The following MAGI2 variants were observed in gnomAD, a reference collection of about 807,000 sequenced individuals.
MAGI2 encodes membrane-associated guanylate kinase, WW and PDZ domain-containing protein 2.
In MAGI2, 35 loss-of-function variants were observed where a neutral mutation model predicts 133.3. That is an observed-to-expected ratio of 0.26 (90% CI 0.20 to 0.35). The LOEUF (loss-of-function observed/expected upper bound fraction) is 0.35. Among genes scored for constraint, MAGI2 ranks in the 10% least tolerant of loss-of-function variants. The pLI, the probability that MAGI2 is intolerant of heterozygous loss-of-function variation, is 1.00. For synonymous variants in MAGI2, 729 were observed against 710.6 expected, an observed-to-expected ratio of 1.03 and a Z score of -0.41; for missense variants, 1,636 against 1,863.4, an observed-to-expected ratio of 0.88 and a Z score of 2.25.
At chr7:78,845,778 C>T (rs1482978805) in intron 2 of MAGI2, among the ~76,000 whole-genome samples, 1 of 151,890 alleles carries the variant, frequency 6.6e-6, no homozygotes, top group African/African-American at 2.4e-5. Flanking sequence ...ACTGATTCCT[C>T]ACATTGCAAT....
Position 79,087,584 on chromosome 7 carries a change from T to G in MAGI2, c.302-80378A>C, listed in dbSNP as rs576457880. ...TAGATACTCATGTGTTATATGTTAC[T>G]CAAGTGATTAAAAGTGGAAGATTCT... On this transcript the variant is annotated intron_variant, in intron 1 of 21. Transcript: ENST00000354212. 2.2e-4 allele frequency among the ~76,000 whole-genome samples: 34 copies of G among 151,800 alleles called. 1 individual carries two copies. The highest frequency in any genetic ancestry group is 1.8e-4 in the Non-Finnish European group (12 of 67,806).
intron 1 of MAGI2, among the ~76,000 whole-genome samples, chr7:79,256,728 C>A (rs1484583115): frequency 6.6e-6 from 1 of 151,902 alleles, no homozygotes; most frequent in African/African-American, 2.4e-5. Flanking sequence ...TGGGCTCAAG[C>A]GATCCTGCCA....
At chr7:78,884,661 C>CA (rs1280262742) in intron 2 of MAGI2, among the ~76,000 whole-genome samples, 2 of 151,822 alleles carry the variant, frequency 1.3e-5, no homozygotes, top group African/African-American at 4.8e-5. Flanking sequence ...ATCAAAAAGA[C>CA]AAAAAATAAT....
chr7:78,696,935 C>G (rs1358897829), intron 2 of MAGI2, among the ~76,000 whole-genome samples: 2 of 152,020 alleles, frequency 1.3e-5, no homozygotes, highest in Non-Finnish European at 2.9e-5. Context: ...ACCAATCCAG[C>G]CTTTATTTTA....
chr7:79,276,839 C>A (rs1416742905), intron 1 of MAGI2, among the ~76,000 whole-genome samples: 1 of 152,000 alleles, frequency 6.6e-6, no homozygotes, highest in Non-Finnish European at 1.5e-5. Context: ...GTGGCACACC[C>A]CTGTGGTCCC....
chr7:78,522,984 T>A (rs1796637868), intron 3 of MAGI2, among the ~76,000 whole-genome samples: 1 of 152,076 alleles, frequency 6.6e-6, no homozygotes, highest in Admixed American at 6.6e-5. Flanking sequence ...AAATTTGATG[T>A]CAAACAGAAA....
chr7:78,490,311 T>A (rs1793484123), intron 5 of MAGI2, among the ~76,000 whole-genome samples: 1 of 152,058 alleles, frequency 6.6e-6, no homozygotes, highest in Non-Finnish European at 1.5e-5. Flanking sequence ...GATTATAGCA[T>A]GTTCTTGGGA....
At chr7:78,025,427 TTC>T (rs1213612758) in intron 21 of MAGI2, among the ~76,000 whole-genome samples, 3 of 152,236 alleles carry the variant, frequency 2.0e-5, no homozygotes, top group African/African-American at 7.2e-5. Context: ...AGCTGTAAGC[TTC>T]ATAAGGGCAA....
At chr7:78,490,600 A>C (rs1793509384) in intron 5 of MAGI2, among the ~76,000 whole-genome samples, 1 of 152,132 alleles carries the variant, frequency 6.6e-6, no homozygotes, top group African/African-American at 2.4e-5. Context: ...CATTAGAATT[A>C]CCTGGTGGAC....
chr7:79,044,416 A>G (rs945606877), intron 1 of MAGI2, among the ~76,000 whole-genome samples: 6 of 152,212 alleles, frequency 3.9e-5, no homozygotes, highest in African/African-American at 9.6e-5. Context: ...TGAATGAGGC[A>G]TTGCAGGAAC....
At chr7:78,264,392 T>C (rs770753975) in intron 9 of MAGI2, among the ~76,000 whole-genome samples, 4 of 152,188 alleles carry the variant, frequency 2.6e-5, no homozygotes, top group Non-Finnish European at 4.4e-5. Flanking sequence ...CTCAGCTTAT[T>C]ATCGGTCAGA....
intron 10 of MAGI2, among the ~76,000 whole-genome samples, chr7:78,203,563 C>A (rs141812833): frequency 1.3e-5 from 2 of 152,182 alleles, no homozygotes. Context: ...TTACTGCTCA[C>A]GTGATGGCAG....
intron 9 of MAGI2, among the ~76,000 whole-genome samples, chr7:78,288,200 C>T (rs562285807): frequency 9.9e-5 from 15 of 152,040 alleles, no homozygotes; most frequent in Non-Finnish European, 1.6e-4. Flanking sequence ...ATAATTTTAA[C>T]GGAATTCTTC....
At chr7:78,069,420 G>A (rs1347691557) in intron 21 of MAGI2, among the ~76,000 whole-genome samples, 1 of 151,876 alleles carries the variant, frequency 6.6e-6, no homozygotes, top group East Asian at 1.9e-4. Flanking sequence ...GGGAATGCAG[G>A]CATCTGTGTA....
intron 6 of MAGI2, among the ~76,000 whole-genome samples, chr7:78,472,067 T>C (rs1563050344): frequency 6.6e-6 from 1 of 152,090 alleles, no homozygotes; most frequent in African/African-American, 2.4e-5. Context: ...ACTATCTTGG[T>C]TTCCTCTCTG....
At chr7:79,003,229 C>T (rs555408842) in intron 2 of MAGI2, among the ~76,000 whole-genome samples, 10 of 152,170 alleles carry the variant, frequency 6.6e-5, no homozygotes, top group African/African-American at 2.4e-4. Context: ...GGAGCCCTAG[C>T]TCTAGAACTC....
intron 6 of MAGI2, among the ~76,000 whole-genome samples, chr7:78,415,629 A>T (rs1005906839): frequency 6.6e-6 from 1 of 152,088 alleles, no homozygotes; most frequent in African/African-American, 2.4e-5. Context: ...CATTTCTGGC[A>T]AGTGTCTCAA....
chr7:78,664,263 T>A (rs1160022835), intron 2 of MAGI2, among the ~76,000 whole-genome samples: 1 of 152,224 alleles, frequency 6.6e-6, no homozygotes, highest in Non-Finnish European at 1.5e-5. Flanking sequence ...CACCAGTAGT[T>A]ATCCTCACCA....
At chr7:78,889,683 G>T (rs1796576594) in intron 2 of MAGI2, among the ~76,000 whole-genome samples, 1 of 152,180 alleles carries the variant, frequency 6.6e-6, no homozygotes, top group South Asian at 2.1e-4. Flanking sequence ...AATACTGAGA[G>T]ATTTTGTCAC....
Sources: gnomAD v4.1 joint callset for allele counts (sites outside exome capture counted in the v4.1 genomes callset) on GRCh38, gnomAD v4.1.1 for gene constraint, MANE v1.5 for transcripts, NCBI Gene and HGNC (gene_info 2026-07-23, HGNC 2026-07-21) for gene names.